Variants in KLF8 observed in about 807,000 individuals in gnomAD.
KLF8 encodes Krueppel-like factor 8.
A neutral mutation model predicts 18.2 loss-of-function variants in KLF8; 10 were observed. That is an observed-to-expected ratio of 0.55 (90% CI 0.34 to 0.93). The LOEUF (loss-of-function observed/expected upper bound fraction) is 0.93. KLF8 is among the 40% of genes least tolerant of loss of function. The pLI, the probability that KLF8 is intolerant of heterozygous loss-of-function variation, is 0.02. For missense variants in KLF8, 264 were observed against 277.9 expected, an observed-to-expected ratio of 0.95 and a Z score of 0.36; for synonymous variants, 109 against 97.3, an observed-to-expected ratio of 1.12 and a Z score of -0.71.
chrX:56,225,325 A>G, the KLF8 span, among the ~76,000 whole-genome samples: 1 of 111,343 alleles, frequency 9.0e-6, no homozygotes, highest in African/African-American at 3.3e-5. Flanking sequence ...TACCTGGTAA[A>G]CTATATGGTA....
At chrX:56,100,220 C>A in the KLF8 span, among the ~76,000 whole-genome samples, 1 of 110,803 alleles carries the variant, frequency 9.0e-6, no homozygotes, top group Non-Finnish European at 1.9e-5. Flanking sequence ...AAGAACAAAG[C>A]CTGGATGACA....
Position 56,288,918 on chromosome X carries a change from C to T in KLF8, c.*4424C>T, listed in dbSNP as rs1236371561. On this transcript the variant is annotated 3_prime_UTR_variant, in exon 6 of 6. Coordinates refer to ENST00000468660, the MANE Select transcript of KLF8 (RefSeq NM_007250.5). ...CTGAAATAGTTGTTGTCAGGTTTCT[C>T]CCCTGTACTCTTTTTTTCCTCCCCT... Among the ~76,000 whole-genome samples, 2 of 111,875 alleles carry T rather than the reference C, an allele frequency of 1.8e-5. No homozygotes were observed. The highest frequency in any genetic ancestry group is 3.8e-5 in the Non-Finnish European group (2 of 53,147).
chrX:56,167,516 G>A, the KLF8 span, among the ~76,000 whole-genome samples: 30 of 112,108 alleles, frequency 2.7e-4, no homozygotes, highest in African/African-American at 9.4e-4. Context: ...TTAGCTGGAA[G>A]AACATATCAC....
chrX:56,225,403 CAACT>C, the KLF8 span, among the ~76,000 whole-genome samples: 6 of 110,605 alleles, frequency 5.4e-5, no homozygotes, highest in African/African-American at 1.6e-4. Flanking sequence ...TCTGATCAAC[CAACT>C]AATAGGTGGT....
chrX:55,939,520 T>C, the KLF8 span, among the ~76,000 whole-genome samples: 1 of 111,088 alleles, frequency 9.0e-6, no homozygotes, highest in African/African-American at 3.3e-5. Context: ...AAGAAATAAC[T>C]AAGATCACAG....
At chrX:55,949,565 G>A in the KLF8 span, among the ~76,000 whole-genome samples, 1 of 110,050 alleles carries the variant, frequency 9.1e-6, no homozygotes, top group Non-Finnish European at 1.9e-5. Flanking sequence ...AGGCCGAGGG[G>A]GTGGATCACA....
At chrX:56,194,001 GC>G in the KLF8 span, among the ~76,000 whole-genome samples, 1 of 111,902 alleles carries the variant, frequency 8.9e-6, no homozygotes, top group Non-Finnish European at 1.9e-5. Context: ...AGGAAAAAAT[GC>G]TTTATGCTGT....
At chrX:56,206,448 C>T in the KLF8 span, among the ~76,000 whole-genome samples, 1 of 112,075 alleles carries the variant, frequency 8.9e-6, no homozygotes, top group South Asian at 3.7e-4. Context: ...GATAAATAAA[C>T]CTATTCAAAA....
At chrX:55,941,165 A>C in the KLF8 span, among the ~76,000 whole-genome samples, 1 of 112,114 alleles carries the variant, frequency 8.9e-6, no homozygotes, top group African/African-American at 3.2e-5. Context: ...TTGGTACCAA[A>C]ACAGAGATAT....
At chrX:56,179,805 G>T in the KLF8 span, among the ~76,000 whole-genome samples, 2 of 111,644 alleles carry the variant, frequency 1.8e-5, no homozygotes, top group African/African-American at 6.5e-5. Flanking sequence ...ATCGATTTGG[G>T]TATGTTGAAA....
At chrX:56,051,365 G>T in the KLF8 span, among the ~76,000 whole-genome samples, 3 of 110,485 alleles carry the variant, frequency 2.7e-5, no homozygotes, top group South Asian at 4.0e-4. Flanking sequence ...TCCTAGTCTC[G>T]ATGGTCTTTA....
the KLF8 span, among the ~76,000 whole-genome samples, chrX:56,050,398 G>C: frequency 1.8e-5 from 2 of 111,608 alleles, no homozygotes; most frequent in Non-Finnish European, 3.8e-5. Context: ...TTCTCTTGTG[G>C]GCATTTAGTG....
At chrX:56,225,644 C>T in the KLF8 span, among the ~76,000 whole-genome samples, 3 of 112,086 alleles carry the variant, frequency 2.7e-5, no homozygotes, top group Non-Finnish European at 5.6e-5. Flanking sequence ...TAGTCTGTGG[C>T]AAGTACTCCT....
the KLF8 span, among the ~76,000 whole-genome samples, chrX:55,930,154 G>T: frequency 9.0e-5 from 10 of 111,487 alleles, no homozygotes; most frequent in African/African-American, 3.3e-4. Context: ...ATTGTGAATA[G>T]GAGTTTCACT....
the KLF8 span, among the ~76,000 whole-genome samples, chrX:56,132,736 T>A: frequency 9.0e-6 from 1 of 111,351 alleles, no homozygotes; most frequent in African/African-American, 3.3e-5. Context: ...GCTGGTTATT[T>A]GAAAAGATAA....
At chrX:56,172,853 C>A in the KLF8 span, among the ~76,000 whole-genome samples, 3 of 112,178 alleles carry the variant, frequency 2.7e-5, no homozygotes, top group Middle Eastern at 4.6e-3. Flanking sequence ...TCTCTGATAG[C>A]CAGTGATGAC....
chrX:56,099,046 C>T, the KLF8 span, among the ~76,000 whole-genome samples: 1 of 111,840 alleles, frequency 8.9e-6, no homozygotes, highest in Admixed American at 9.5e-5. Flanking sequence ...TATTGTGCTT[C>T]ACTCTTTACT....
the KLF8 span, among the ~76,000 whole-genome samples, chrX:56,104,300 C>T: frequency 6.1e-3 from 681 of 111,370 alleles, 2 homozygotes; most frequent in Middle Eastern, 0.018. Context: ...GCCAGCTCCT[C>T]CTTGTACCTC....
At chrX:55,925,579 G>A in the KLF8 span, among the ~76,000 whole-genome samples, 1 of 111,294 alleles carries the variant, frequency 9.0e-6, no homozygotes, top group African/African-American at 3.3e-5. Context: ...CGGTGGGTGA[G>A]GCCCATAAAG....
Sources: allele counts gnomAD v4.1 joint callset (sites outside exome capture counted in the v4.1 genomes callset), GRCh38; gene constraint gnomAD v4.1.1; transcripts MANE v1.5; gene names NCBI Gene and HGNC (gene_info 2026-07-23, HGNC 2026-07-21).